SAMSN1: variants seen among roughly 807,000 people sequenced by gnomAD.
The protein encoded by SAMSN1 is SAM domain, SH3 domain and nuclear localization signals 1.
In SAMSN1, 31 loss-of-function variants were observed where a neutral mutation model predicts 42.0. The observed-to-expected ratio is 0.74, with a 90% CI of 0.55 to 1.00. SAMSN1 has a LOEUF of 1.00. Among genes scored for constraint, SAMSN1 ranks in the 50% least tolerant of loss-of-function variants. SAMSN1 has a pLI of 0.00. For synonymous variants in SAMSN1, 178 were observed against 151.9 expected (o/e 1.17, Z -1.26); for missense variants, 464 against 439.4 (o/e 1.06, Z -0.50).
At chr21:14,540,021 T>C (rs1248318852) in intron 1 of SAMSN1, among the ~76,000 whole-genome samples, 2 of 152,134 alleles carry the variant, frequency 1.3e-5, no homozygotes, top group African/African-American at 4.8e-5. Context: ...TTGACAAACC[T>C]GAGAAAACAA....
chr21:14,506,479 C>T (rs1462223430), intron 5 of SAMSN1, among the ~76,000 whole-genome samples: 1 of 152,046 alleles, frequency 6.6e-6, no homozygotes, highest in African/African-American at 2.4e-5. Context: ...ATACAACTCT[C>T]CTAGCTTAAA....
At chr21:14,506,188 A>G (rs1273624098) in intron 5 of SAMSN1, among the ~76,000 whole-genome samples, 1 of 152,134 alleles carries the variant, frequency 6.6e-6, no homozygotes, top group African/African-American at 2.4e-5. Context: ...AACAAACCAA[A>G]CTCAAACACA....
chr21:14,524,426 A>T (rs2123053686), intron 1 of SAMSN1, among the ~76,000 whole-genome samples: 1 of 152,322 alleles, frequency 6.6e-6, no homozygotes, highest in South Asian at 2.1e-4. Context: ...ATTTTAGATA[A>T]TTCTTTGTGT....
At chr21:14,525,524 A>G (rs904138144) in intron 1 of SAMSN1, among the ~76,000 whole-genome samples, 7 of 152,240 alleles carry the variant, frequency 4.6e-5, no homozygotes, top group African/African-American at 1.7e-4. Context: ...ATCTTGTTTA[A>G]ATATAGATCA....
chr21:14,597,744 T>G (rs901678477), intron 6 of SAMSN1, among the ~76,000 whole-genome samples: 2 of 152,132 alleles, frequency 1.3e-5, no homozygotes, highest in African/African-American at 4.8e-5. Flanking sequence ...CTCAAGGATG[T>G]CCTCAGTGAA....
chr21:14,657,258 T>C (rs991292623), intron 1 of SAMSN1, among the ~76,000 whole-genome samples: 3 of 151,894 alleles, frequency 2.0e-5, no homozygotes, highest in African/African-American at 7.2e-5. Context: ...TTTGCAATGA[T>C]TCAACAAAAG....
At chr21:14,544,546 A>G (rs1980262382) in intron 1 of SAMSN1, among the ~76,000 whole-genome samples, 1 of 152,252 alleles carries the variant, frequency 6.6e-6, no homozygotes, top group South Asian at 2.1e-4. Context: ...AAATTCATGC[A>G]GAATGAAACC....
intron 1 of SAMSN1, among the ~76,000 whole-genome samples, chr21:14,525,853 C>T (rs530171655): frequency 5.3e-4 from 80 of 152,168 alleles, no homozygotes; most frequent in African/African-American, 1.9e-3. Context: ...TTAGTGGTCT[C>T]ATAACTTTAT....
intron 1 of SAMSN1, among the ~76,000 whole-genome samples, chr21:14,656,952 T>G (rs766663213): frequency 5.9e-5 from 9 of 151,822 alleles, no homozygotes; most frequent in Non-Finnish European, 1.2e-4. Flanking sequence ...ATTAAACCAG[T>G]GGTTTTTATT....
At chr21:14,589,788 C>G (rs1170692260) in intron 7 of SAMSN1, among the ~76,000 whole-genome samples, 2 of 152,032 alleles carry the variant, frequency 1.3e-5, no homozygotes, top group Non-Finnish European at 2.9e-5. Flanking sequence ...CAAAACAAAG[C>G]AGAAAACCCT....
chr21:14,553,018 C>T (rs1247133620), intron 2 of SAMSN1, among the ~76,000 whole-genome samples: 2 of 151,948 alleles, frequency 1.3e-5, no homozygotes, highest in Non-Finnish European at 2.9e-5. Flanking sequence ...CTTCCTATTT[C>T]AACTCTTTTT....
At position 14,649,330 on chromosome 21, in the gene SAMSN1, G is replaced by A. The variant is rs1442767455; in HGVS notation, c.25-6197C>T. Among the ~76,000 whole-genome samples, 3 of 151,206 alleles carry A rather than the reference G, an allele frequency of 2.0e-5. No individual in the cohort carries two copies. In the East Asian group the frequency reaches 5.9e-4, roughly 30 times the overall value. ...GGAGATATACCTAATGCTAGATGAC[G>A]AGTTAGTGGGTGCAGCGCACCAGCA... is the stretch of plus-strand genomic sequence containing the variant. On this transcript the variant is annotated intron_variant, in intron 1 of 15. Transcript: ENST00000647101.
intron 4 of SAMSN1, chr21:14,609,713 C>G: frequency 3.4e-6 from 2 of 597,008 alleles, no homozygotes; most frequent in Non-Finnish European, 3.0e-6. Context: ...CTAGGTGATG[C>G]AGGAAGTCAG....
At chr21:14,627,936 G>T (rs1983226874) in intron 2 of SAMSN1, among the ~76,000 whole-genome samples, 1 of 152,116 alleles carries the variant, frequency 6.6e-6, no homozygotes, top group African/African-American at 2.4e-5. Context: ...CTTCTCCCTT[G>T]TCTGGGGAGC....
intron 4 of SAMSN1, among the ~76,000 whole-genome samples, chr21:14,511,292 A>G (rs1014109866): frequency 2.0e-5 from 3 of 152,226 alleles, no homozygotes; most frequent in African/African-American, 7.2e-5. Flanking sequence ...AGTGGTATAC[A>G]GTAATGGTAA....
intron 6 of SAMSN1, among the ~76,000 whole-genome samples, chr21:14,596,702 C>A (rs1209006666): frequency 6.6e-6 from 1 of 152,106 alleles, no homozygotes; most frequent in African/African-American, 2.4e-5. Context: ...CCTATCCCTG[C>A]AGTCAATTCC....
chr21:14,612,860 C>G, intron 4 of SAMSN1: 1 of 706,174 alleles, frequency 1.4e-6, no homozygotes, highest in Admixed American at 2.1e-5. Flanking sequence ...CACTTGTAAC[C>G]TTAGGAATCA....
chr21:14,599,439 C>A (rs1476809616), intron 6 of SAMSN1, among the ~76,000 whole-genome samples: 1 of 152,146 alleles, frequency 6.6e-6, no homozygotes, highest in Non-Finnish European at 1.5e-5. Flanking sequence ...TTCCTGAGGC[C>A]TCCCCAGCAA....
In SAMSN1 at chr21:14,577,272, ATATATATATATATT is replaced by A. The variant is rs1449732477; in HGVS notation, c.261+4850_261+4863del. The stretch of plus-strand genomic sequence containing the variant: ...TATATATATATATATATATATATAT[ATATATATATATATT>A]TTTTTTTTAGAAGAGACAGGGTTTT... On this transcript the variant is annotated intron_variant, in intron 2 of 8. Coordinates refer to the SAMSN1 transcript ENST00000285670. Among the ~76,000 whole-genome samples, 31 of 49,578 alleles carry A rather than the reference ATATATATATATATT, an allele frequency of 6.3e-4. 3 individuals carry two copies. The highest frequency in any genetic ancestry group is 3.6e-3 in the East Asian group (7 of 1,968). 32.5% of individuals were successfully genotyped at this position (49,578 alleles called of 152,430 possible).
Sources: gnomAD v4.1 joint callset for allele counts (sites outside exome capture counted in the v4.1 genomes callset) on GRCh38, gnomAD v4.1.1 for gene constraint, MANE v1.5 for transcripts, NCBI Gene and HGNC (gene_info 2026-07-23, HGNC 2026-07-21) for gene names.